NALCN: variants seen among roughly 807,000 people sequenced by gnomAD.
NALCN encodes sodium leak channel NALCN.
NALCN carries 111 observed loss-of-function variants against 225.3 expected under a neutral mutation model. The observed-to-expected ratio is 0.49, with a 90% CI of 0.42 to 0.58. The LOEUF is 0.58. Among genes scored for constraint, NALCN ranks in the 20% least tolerant of loss-of-function variants. NALCN has a pLI of 0.00. For synonymous variants in NALCN, 764 were observed against 769.0 expected, an observed-to-expected ratio of 0.99 and a Z score of 0.11; for missense variants, 1,378 against 2,202.4, an observed-to-expected ratio of 0.63 and a Z score of 7.49.
In NALCN at chr13:101,064,178, A is replaced by G. The variant is rs1471656135; in HGVS notation, c.4604+1226T>C. Reference sequence around the variant, plus strand: ...TCAGTTATGTCATCTGAAAATATCTATGATTTCTCCTGGTAACAAAGACAT... The same window carrying G: ...TCAGTTATGTCATCTGAAAATATCTGTGATTTCTCCTGGTAACAAAGACAT... On this transcript the variant is annotated intron_variant, in intron 40 of 43. Transcript: ENST00000251127. Among the ~76,000 whole-genome samples the G allele has an allele frequency of 2.0e-5, 3 of 152,200 alleles. No homozygotes were observed. The East Asian group carries it at 5.8e-4, about 29-fold the overall frequency.
intron 17 of NALCN, among the ~76,000 whole-genome samples, chr13:101,142,241 G>C (rs147563770): frequency 0.13 from 18,903 of 144,508 alleles, 1,386 homozygotes; most frequent in East Asian, 0.37. Context: ...TCCTAGGTTC[G>C]AGTGATTCTC....
chr13:101,064,916 T>C (rs963145261), intron 40 of NALCN, among the ~76,000 whole-genome samples: 2 of 152,188 alleles, frequency 1.3e-5, no homozygotes, highest in East Asian at 1.9e-4. Flanking sequence ...GCTCATGAAA[T>C]GTCTGGAAAA....
At chr13:101,154,847 C>T (rs112635561) in intron 15 of NALCN, among the ~76,000 whole-genome samples, 5 of 152,306 alleles carry the variant, frequency 3.3e-5, no homozygotes, top group African/African-American at 1.2e-4. Context: ...AGTTATATTA[C>T]TGGCAAAGAT....
At chr13:101,268,932 G>T (rs532094575) in intron 10 of NALCN, among the ~76,000 whole-genome samples, 2 of 152,182 alleles carry the variant, frequency 1.3e-5, no homozygotes, top group South Asian at 4.1e-4. Flanking sequence ...TACATTTATG[G>T]ATTAGTAGGA....
At chr13:101,416,880 G>C (rs2047963011), upstream of NALCN, among the ~76,000 whole-genome samples, 1 of 152,142 alleles carries the variant, frequency 6.6e-6, no homozygotes, top group Non-Finnish European at 1.5e-5. Flanking sequence ...CAGCGTGCGA[G>C]CGTGAGGTCA....
chr13:101,216,389 C>G lies in NALCN; in HGVS notation c.1626+13004G>C, dbSNP rs1594455988. 1.3e-5 allele frequency among the ~76,000 whole-genome samples: 2 copies of G among 152,116 alleles called. 1 individual carries two copies. Among genetic ancestry groups the G allele is most frequent in the South Asian group, 4.2e-4 (2 of 4,812 alleles). On this transcript the variant is annotated intron_variant, in intron 13 of 43. Transcript: ENST00000251127. The stretch of plus-strand genomic sequence containing the variant: ...TTATTAACAAAACACACATCAAAAT[C>G]AGAAAAGTGATTCTCCATGGGAGAG...
At position 101,105,894 on chromosome 13, in the gene NALCN, C is replaced by T. The variant is rs185358795; in HGVS notation, c.2580-944G>A. Among the ~76,000 whole-genome samples, 799 of 152,224 alleles carry T rather than the reference C, an allele frequency of 5.2e-3. 4 individuals are homozygous for T. Among genetic ancestry groups the T allele is most frequent in the South Asian group, 0.016 (75 of 4,822 alleles). On this transcript the variant is annotated intron_variant, in intron 22 of 43. Coordinates refer to ENST00000251127, the MANE Select transcript of NALCN (RefSeq NM_052867.4). ...GAAGGAGGGGGCACACAAATGACACCGAGTGGTCCCTGAGGTCTCTTCCAT... is the reference window on the plus strand; with the variant it reads ...GAAGGAGGGGGCACACAAATGACACTGAGTGGTCCCTGAGGTCTCTTCCAT...
chr13:101,137,453 C>T (rs183633501), intron 17 of NALCN, among the ~76,000 whole-genome samples: 26 of 151,910 alleles, frequency 1.7e-4, no homozygotes, highest in African/African-American at 6.0e-4. Flanking sequence ...GAGTAACTTG[C>T]TATGTGAGGA....
At chr13:101,097,677 G>A (rs919984826) in intron 27 of NALCN, among the ~76,000 whole-genome samples, 10 of 152,182 alleles carry the variant, frequency 6.6e-5, no homozygotes, top group African/African-American at 2.2e-4. Context: ...TAGGAATGGT[G>A]CTTTGTACTT....
intron 3 of NALCN, among the ~76,000 whole-genome samples, chr13:101,389,648 C>T (rs559771565): frequency 3.9e-5 from 6 of 152,092 alleles, no homozygotes; most frequent in Non-Finnish European, 7.4e-5. Context: ...GTGGAGGGAC[C>T]CCTCGTACTG....
intron 34 of NALCN, among the ~76,000 whole-genome samples, chr13:101,078,675 C>A (rs1291704010): frequency 6.6e-6 from 1 of 152,164 alleles, no homozygotes; most frequent in Non-Finnish European, 1.5e-5. Context: ...GCAGCAGAAA[C>A]TTTCCTGTTC....
At chr13:101,373,349 T>C (rs1169648054) in intron 6 of NALCN, among the ~76,000 whole-genome samples, 2 of 152,128 alleles carry the variant, frequency 1.3e-5, no homozygotes, top group Non-Finnish European at 2.9e-5. Flanking sequence ...GTAAAGATAT[T>C]TCAATTTAAA....
rs1407616507 is a variant in NALCN at position 101,062,090 on chromosome 13, G to A, written c.4633C>T (p.Arg1545Trp). ...SMLSYRSVDIRKSLQLEELLA... is the reference protein window; with the variant it reads ...SMLSYRSVDIWKSLQLEELLA... ...AGTTCCTCCAGCTGCAAGCTCTTCC[G>A]GATGTCCACGGACCGGTATGAAAGC... is the stretch of plus-strand genomic sequence containing the variant. The change falls in exon 41 of 44, where the codon CGG becomes TGG. Residue 1545 changes from arginine to tryptophan, a missense_variant. By Grantham distance (101) the Arg-to-Trp change is moderately radical (BLOSUM62 -3). Transcript: ENST00000251127. 7 of 1,613,906 alleles carry A rather than the reference G, an allele frequency of 4.3e-6. No homozygotes were observed. Among genetic ancestry groups the A allele is most frequent in the African/African-American group, 1.3e-5 (1 of 74,876 alleles).
intron 7 of NALCN, among the ~76,000 whole-genome samples, chr13:101,310,255 T>C (rs546669987): frequency 4.6e-5 from 7 of 152,320 alleles, no homozygotes; most frequent in African/African-American, 1.7e-4. Flanking sequence ...TTAAAAGGAA[T>C]AGCCAAGGTC....
chr13:101,345,168 G>T (rs2045680709), intron 7 of NALCN, 98 bp downstream of exon 7: 16 of 1,241,922 alleles, frequency 1.3e-5, no homozygotes, highest in Non-Finnish European at 1.7e-5. Flanking sequence ...CTATACTACA[G>T]CCAGTCAAAA....
chr13:101,296,620 G>A (rs901814249), intron 7 of NALCN, among the ~76,000 whole-genome samples: 5 of 152,060 alleles, frequency 3.3e-5, no homozygotes, highest in African/African-American at 9.7e-5. Context: ...CTGGCTAAAC[G>A]ACCATATTTT....
chr13:101,072,899 A>G (rs1285374262), intron 37 of NALCN, among the ~76,000 whole-genome samples: 2 of 152,234 alleles, frequency 1.3e-5, no homozygotes, highest in African/African-American at 4.8e-5. Context: ...CGAATTGGAC[A>G]GTGCAGATTT....
intron 7 of NALCN, among the ~76,000 whole-genome samples, chr13:101,313,085 G>T (rs2044412140): frequency 6.6e-6 from 1 of 152,136 alleles, no homozygotes; most frequent in Non-Finnish European, 1.5e-5. Context: ...ATGGGGAAAG[G>T]ATTCCCTATT....
At chr13:101,300,280 C>T (rs561085532) in intron 7 of NALCN, among the ~76,000 whole-genome samples, 4 of 152,146 alleles carry the variant, frequency 2.6e-5, no homozygotes, top group Non-Finnish European at 4.4e-5. Flanking sequence ...TTTCTCCCTC[C>T]GATCCTCCTT....
Sources: gnomAD v4.1 joint callset for allele counts (sites outside exome capture counted in the v4.1 genomes callset) on GRCh38, gnomAD v4.1.1 for gene constraint, MANE v1.5 for transcripts, NCBI Gene and HGNC (gene_info 2026-07-23, HGNC 2026-07-21) for gene names.